TOGARAM1: variants seen among roughly 807,000 people sequenced by gnomAD.
TOGARAM1 encodes the protein TOG array regulator of axonemal microtubules protein 1.
A neutral mutation model predicts 166.6 loss-of-function variants in TOGARAM1; 100 were observed. The ratio of observed to expected loss-of-function variants is 0.60; its 90% CI spans 0.51 to 0.71. TOGARAM1 has a LOEUF of 0.71. Among genes scored for constraint, TOGARAM1 ranks in the 30% least tolerant of loss-of-function variants. The pLI is 0.00. For synonymous variants in TOGARAM1, 758 were observed against 763.8 expected (o/e 0.99, Z 0.13); for missense variants, 2,029 against 2,102.7 (o/e 0.96, Z 0.69).
chr14:45,038,652 C>T (rs1338083825), intron 11 of TOGARAM1, among the ~76,000 whole-genome samples: 1 of 152,228 alleles, frequency 6.6e-6, no homozygotes, highest in Non-Finnish European at 1.5e-5. Flanking sequence ...TTGGGAAGCT[C>T]CTAAGTCTGG....
In TOGARAM1 at chr14:44,968,503, C is replaced by T. The variant is rs529229925; in HGVS notation, c.2046+4036C>T. 1.1e-4 allele frequency among the ~76,000 whole-genome samples: 17 copies of T among 152,346 alleles called. No homozygotes were observed. The East Asian group carries it at 3.3e-3, about 29-fold the overall frequency. ...GACCTCGTGATCTGCCCGCCTCGGC[C>T]TCCCAAAGTGCTGGGATTACAGGCG... On this transcript the variant is annotated intron_variant, in intron 1 of 19. Transcript: ENST00000361462.
At chr14:44,975,237 A>G (rs375251583) in intron 1 of TOGARAM1, among the ~76,000 whole-genome samples, 1 of 152,160 alleles carries the variant, frequency 6.6e-6, no homozygotes, top group African/African-American at 2.4e-5. Context: ...AATGAACTCA[A>G]TGGATGCCCC....
At chr14:44,993,316 CAAAAA>C (rs1246786443) in intron 1 of TOGARAM1, among the ~76,000 whole-genome samples, 1 of 145,740 alleles carries the variant, frequency 6.9e-6, no homozygotes, top group African/African-American at 2.7e-5. Flanking sequence ...AAAACAAAAA[CAAAAA>C]AAGATTGAAA....
Position 45,017,406 on chromosome 14 carries a change from A to AACACACACAC in TOGARAM1, c.3238+5350_3238+5359dup, listed in dbSNP as rs113544622. Among the ~76,000 whole-genome samples the AACACACACAC allele has an allele frequency of 6.1e-3, 891 of 145,228 alleles. 11 individuals are homozygous for AACACACACAC. Among genetic ancestry groups the AACACACACAC allele is most frequent in the African/African-American group, 0.021 (851 of 40,394 alleles). ...AAATGCACCAGATACATGCACACAA[A>AACACACACAC]ACACACACACACACACACACACACA... is the stretch of plus-strand genomic sequence containing the variant. On this transcript the variant is annotated intron_variant, in intron 7 of 19. Coordinates refer to ENST00000361462, the MANE Select transcript of TOGARAM1 (RefSeq NM_001308120.2).
At chr14:45,033,252 C>CAA (rs1434217190) in intron 11 of TOGARAM1, among the ~76,000 whole-genome samples, 14,665 of 105,314 alleles carry the variant, frequency 0.14, 1,300 homozygotes, top group African/African-American at 0.27. Flanking sequence ...AACTCTGTCT[C>CAA]AAAAAAAAAA....
chr14:45,056,140 A>G (rs910606233), intron 16 of TOGARAM1, among the ~76,000 whole-genome samples: 3 of 151,922 alleles, frequency 2.0e-5, no homozygotes, highest in African/African-American at 7.3e-5. Context: ...TTTAGTTATT[A>G]TAAGTGGGAT....
chr14:44,966,819 G>A (rs1199183835), intron 1 of TOGARAM1, among the ~76,000 whole-genome samples: 1 of 152,128 alleles, frequency 6.6e-6, no homozygotes, highest in Admixed American at 6.5e-5. Context: ...GCCAGGCATG[G>A]TGGTGCAGGC....
At chr14:45,014,127 G>A (rs946512038) in intron 7 of TOGARAM1, among the ~76,000 whole-genome samples, 1 of 147,970 alleles carries the variant, frequency 6.8e-6, no homozygotes, top group African/African-American at 2.5e-5. Context: ...CTCACTGCAA[G>A]CTCCGCCTCC....
intron 19 of TOGARAM1, among the ~76,000 whole-genome samples, chr14:45,072,509 C>G (rs1355507813): frequency 6.6e-6 from 1 of 151,916 alleles, no homozygotes; most frequent in Admixed American, 6.6e-5. Flanking sequence ...TAATTGCAAC[C>G]TCCGCCTCCT....
intron 7 of TOGARAM1, among the ~76,000 whole-genome samples, chr14:45,013,850 A>G (rs1167076531): frequency 6.6e-6 from 1 of 152,160 alleles, no homozygotes; most frequent in African/African-American, 2.4e-5. Context: ...TCTACTTTGT[A>G]AAAATGGAAC....
intron 14 of TOGARAM1, among the ~76,000 whole-genome samples, chr14:45,051,952 A>G (rs1594694511): frequency 6.6e-6 from 1 of 152,158 alleles, no homozygotes; most frequent in South Asian, 2.1e-4. Flanking sequence ...TAAACACCTA[A>G]CCTACCAAAC....
At chr14:44,975,000 G>A (rs1886101841) in intron 1 of TOGARAM1, among the ~76,000 whole-genome samples, 1 of 152,152 alleles carries the variant, frequency 6.6e-6, no homozygotes. Flanking sequence ...CTTTTGATGA[G>A]TGTAATTTTA....
intron 1 of TOGARAM1, among the ~76,000 whole-genome samples, chr14:44,971,972 G>T (rs1373116298): frequency 6.6e-6 from 1 of 152,140 alleles, no homozygotes; most frequent in Admixed American, 6.5e-5. Flanking sequence ...ATGGCAGAAA[G>T]TGAAGAGGAA....
intron 2 of TOGARAM1, 47 bp from the exon 3 acceptor site, chr14:44,999,316 A>G (rs200370618): frequency 3.4e-6 from 5 of 1,477,704 alleles, no homozygotes; most frequent in Non-Finnish European, 4.5e-6. Context: ...TTCATGAAAT[A>G]AAGTTAACTT....
intron 1 of TOGARAM1, among the ~76,000 whole-genome samples, chr14:44,964,933 C>G (rs1327139307): frequency 1.7e-5 from 1 of 59,854 alleles, no homozygotes; most frequent in Non-Finnish European, 3.1e-5. Context: ...GACAGAAAAA[C>G]TAATTCCACT....
chr14:44,999,077 C>A (rs1168973192), intron 2 of TOGARAM1, among the ~76,000 whole-genome samples: 1 of 152,156 alleles, frequency 6.6e-6, no homozygotes, highest in African/African-American at 2.4e-5. Flanking sequence ...AGAAACGTTC[C>A]ATGCTGAGAG....
intron 14 of TOGARAM1, among the ~76,000 whole-genome samples, chr14:45,049,288 A>T (rs1458503917): frequency 2.0e-5 from 3 of 150,836 alleles, no homozygotes; most frequent in African/African-American, 7.3e-5. Flanking sequence ...TTGGAGACAG[A>T]GTCTTGCTCT....
chr14:45,010,642 A>G (rs1879732801), intron 6 of TOGARAM1, among the ~76,000 whole-genome samples: 1 of 152,134 alleles, frequency 6.6e-6, no homozygotes, highest in Non-Finnish European at 1.5e-5. Flanking sequence ...AGTTCAGCAC[A>G]CCCTCATTTA....
intron 18 of TOGARAM1, among the ~76,000 whole-genome samples, chr14:45,069,851 AAG>A (rs1375442937): frequency 6.6e-6 from 1 of 152,184 alleles, no homozygotes; most frequent in African/African-American, 2.4e-5. Flanking sequence ...CTTAATAAAA[AAG>A]AACAAAATAT....
Sources: allele counts gnomAD v4.1 joint callset (sites outside exome capture counted in the v4.1 genomes callset), GRCh38; gene constraint gnomAD v4.1.1; transcripts MANE v1.5; gene names NCBI Gene and HGNC (gene_info 2026-07-23, HGNC 2026-07-21).